The following GRK5 variants were observed in gnomAD, a reference collection of about 807,000 sequenced individuals.
GRK5 encodes the protein G protein-coupled receptor kinase 5.
Under a neutral mutation model 78.4 loss-of-function variants are expected in GRK5, and 40 were observed. The observed-to-expected ratio is 0.51, with a 90% CI of 0.40 to 0.66. The LOEUF (loss-of-function observed/expected upper bound fraction) is 0.66. GRK5 is among the 30% of genes least tolerant of loss of function. The probability of loss-of-function intolerance (pLI) is 0.00; values close to 1 mark genes in which losing one functional copy is unlikely to be tolerated. For synonymous variants in GRK5, 289 were observed against 296.8 expected (o/e 0.97, Z 0.27); for missense variants, 598 against 759.9 (o/e 0.79, Z 2.50).
At chr10:119,311,914 A>ACTTTTTTTTTTTTTTTTTTTT (rs34048341) in intron 1 of GRK5, among the ~76,000 whole-genome samples, 1 of 137,814 alleles carries the variant, frequency 7.3e-6, no homozygotes. Context: ...TGAATTGTTC[A>ACTTTTTTTTTTTTTTTTTTTT]TTTTTTTTTT....
chr10:119,395,966 G>A (rs138078903), intron 3 of GRK5, among the ~76,000 whole-genome samples: 1 of 152,208 alleles, frequency 6.6e-6, no homozygotes, highest in South Asian at 2.1e-4. Flanking sequence ...CTCTTTCGAG[G>A]TTCAGATAAG....
At chr10:119,368,651 A>G (rs866755639) in intron 2 of GRK5, among the ~76,000 whole-genome samples, 6 of 152,206 alleles carry the variant, frequency 3.9e-5, no homozygotes, top group Non-Finnish European at 7.4e-5. Context: ...ACAAAGCCCA[A>G]TCTCCTAGCC....
At chr10:119,367,496 C>T (rs78166535) in intron 2 of GRK5, among the ~76,000 whole-genome samples, 26 of 152,336 alleles carry the variant, frequency 1.7e-4, no homozygotes, top group East Asian at 7.7e-4. Flanking sequence ...AAACCCACTG[C>T]GCCCTGTTCT....
intron 1 of GRK5, among the ~76,000 whole-genome samples, chr10:119,301,260 G>A (rs189256304): frequency 5.4e-4 from 83 of 152,318 alleles, no homozygotes; most frequent in Non-Finnish European, 1.1e-3. Flanking sequence ...TCTACCTTGT[G>A]GTGGTTCTAA....
intron 9 of GRK5, among the ~76,000 whole-genome samples, chr10:119,438,248 G>A (rs185444884): frequency 4.2e-4 from 64 of 152,296 alleles, no homozygotes; most frequent in African/African-American, 1.4e-3. Flanking sequence ...TGTAACTTGG[G>A]AGAAGAGTTA....
In GRK5 at chr10:119,425,043, G is replaced by A; in HGVS notation, c.491G>A (p.Ser164Asn). 2 of 1,614,096 alleles carry A rather than the reference G, an allele frequency of 1.2e-6. No individual in the cohort carries two copies. The highest frequency in any genetic ancestry group is 1.7e-6 in the Non-Finnish European group (2 of 1,179,972). The change falls in exon 6 of 16, where the codon AGC becomes AAC. Residue 164 changes from serine to asparagine, a missense_variant. Physicochemically the swap from Ser to Asn is conservative, Grantham distance 46 (BLOSUM62 1). Transcript: ENST00000392870. The part of the protein sequence containing the change: ...RGEPFHEYLD[S>N]MFFDRFLQWK... ...GAACCATTCCACGAATATCTGGACA[G>A]CATGTTTTTTGACCGCTTTCTCCAG...
rs995077758 is a variant in GRK5 at position 119,358,567 on chromosome 10, G to T, written c.149-22248G>T. Among the ~76,000 whole-genome samples the T allele has an allele frequency of 2.1e-4, 32 of 152,208 alleles. 1 individual carries two copies. The Middle Eastern group carries it at 0.014, about 65-fold the overall frequency. ...CATGGTCCTGTCTGTGCCCTCATCT[G>T]CTCCTCTTCCACAGGCCTCTCAGGG... On this transcript the variant is annotated intron_variant, in intron 2 of 15. Transcript: ENST00000392870.
intron 2 of GRK5, among the ~76,000 whole-genome samples, chr10:119,373,045 A>G (rs2133822485): frequency 1.3e-5 from 2 of 152,372 alleles, no homozygotes; most frequent in South Asian, 4.1e-4. Context: ...TGGCTGTAGC[A>G]TCCAGGTGTG....
At chr10:119,237,787 T>C (rs1047123876) in intron 1 of GRK5, among the ~76,000 whole-genome samples, 4 of 151,904 alleles carry the variant, frequency 2.6e-5, no homozygotes, top group Non-Finnish European at 5.9e-5. Flanking sequence ...CACTGGAAAA[T>C]AGAAAGGACA....
chr10:119,333,201 G>A (rs960551422), intron 2 of GRK5: 4 of 152,558 alleles, frequency 2.6e-5, no homozygotes, highest in African/African-American at 7.2e-5. Context: ...TTTAACCTTA[G>A]CCAGTAGTTT....
At chr10:119,250,008 G>A (rs1470622065) in intron 1 of GRK5, among the ~76,000 whole-genome samples, 1 of 152,100 alleles carries the variant, frequency 6.6e-6, no homozygotes, top group Non-Finnish European at 1.5e-5. Flanking sequence ...CGCATTCTTG[G>A]CAACTCTGGA....
At chr10:119,447,324 G>A (rs1380591981) in intron 12 of GRK5, among the ~76,000 whole-genome samples, 1 of 152,042 alleles carries the variant, frequency 6.6e-6, no homozygotes, top group Non-Finnish European at 1.5e-5. Flanking sequence ...CCCGCCACCT[G>A]ACCTGGCCTT....
intron 1 of GRK5, among the ~76,000 whole-genome samples, chr10:119,244,488 T>A (rs1018516455): frequency 1.3e-5 from 2 of 152,234 alleles, no homozygotes; most frequent in Non-Finnish European, 2.9e-5. Flanking sequence ...GAAAAGATGC[T>A]CAATATCACT....
intron 4 of GRK5, among the ~76,000 whole-genome samples, chr10:119,419,310 C>T (rs1410932121): frequency 6.6e-6 from 1 of 152,240 alleles, no homozygotes; most frequent in Non-Finnish European, 1.5e-5. Context: ...GGAGGGCCTT[C>T]TTAAAGAGTC....
intron 1 of GRK5, among the ~76,000 whole-genome samples, chr10:119,276,809 G>A (rs965629638): frequency 2.6e-4 from 40 of 152,192 alleles, no homozygotes; most frequent in Admixed American, 2.1e-3. Flanking sequence ...AAGTCAAAGC[G>A]GGGATGGACT....
chr10:119,364,112 A>G (rs146198055), intron 2 of GRK5, among the ~76,000 whole-genome samples: 320 of 152,316 alleles, frequency 2.1e-3, no homozygotes, highest in African/African-American at 7.2e-3. Flanking sequence ...GGCCTAGCAC[A>G]GTGTAGGGCG....
chr10:119,216,172 G>C (rs117775978), intron 1 of GRK5, among the ~76,000 whole-genome samples: 1 of 152,312 alleles, frequency 6.6e-6, no homozygotes, highest in Non-Finnish European at 1.5e-5. Flanking sequence ...TCTATCTGAC[G>C]TACCAGAGTC....
chr10:119,384,683 G>A (rs12416565), intron 3 of GRK5, among the ~76,000 whole-genome samples: 2 of 147,686 alleles, frequency 1.4e-5, no homozygotes, highest in East Asian at 1.9e-4. Context: ...AGTGCCACAC[G>A]TAACAGTTGA....
At chr10:119,417,381 G>A (rs752427107) in intron 4 of GRK5, among the ~76,000 whole-genome samples, 13 of 152,220 alleles carry the variant, frequency 8.5e-5, no homozygotes, top group African/African-American at 1.2e-4. Flanking sequence ...CACAGATGGC[G>A]CCTGTGAAGC....
Sources: allele counts gnomAD v4.1 joint callset (sites outside exome capture counted in the v4.1 genomes callset), GRCh38; gene constraint gnomAD v4.1.1; transcripts MANE v1.5; gene names NCBI Gene and HGNC (gene_info 2026-07-23, HGNC 2026-07-21).